INPP1: variants seen among roughly 807,000 people sequenced by gnomAD.
The protein encoded by INPP1 is inositol polyphosphate 1-phosphatase.
INPP1 carries 18 observed loss-of-function variants against 23.0 expected under a neutral mutation model. The ratio of observed to expected loss-of-function variants is 0.78; its 90% CI spans 0.54 to 1.16. The LOEUF is 1.16. Ranked by LOEUF, INPP1 falls within the 50% of genes most tolerant of loss-of-function variation. The pLI is 0.00. For synonymous variants in INPP1, 164 were observed against 176.3 expected, an observed-to-expected ratio of 0.93 and a Z score of 0.55; for missense variants, 448 against 482.1, an observed-to-expected ratio of 0.93 and a Z score of 0.66.
At chr2:190,358,372 C>T (rs1689466894) in intron 2 of INPP1, among the ~76,000 whole-genome samples, 1 of 151,972 alleles carries the variant, frequency 6.6e-6, no homozygotes, top group Non-Finnish European at 1.5e-5. Context: ...CCACTGCGCC[C>T]AGTCCCGGCT....
At chr2:190,350,604 C>A (rs1575783668) in intron 2 of INPP1, among the ~76,000 whole-genome samples, 1 of 152,132 alleles carries the variant, frequency 6.6e-6, no homozygotes. Context: ...AAAATGTAGG[C>A]TAATGTGGTC....
Position 190,368,932 on chromosome 2 carries a change from A to G in INPP1, c.467-171A>G, listed in dbSNP as rs377638849. ...GAGTTCTCACAGTCAGGAAAATGAA[A>G]CACAAGCAATTTAAAAGTAAAGTAC... On this transcript the variant is annotated intron_variant, in intron 5 of 6. Transcript: ENST00000392329. The surrounding 1 kb of genome is among the most constrained non-coding windows in gnomAD (Gnocchi z 4.3). 284 of 422,216 alleles carry G rather than the reference A, an allele frequency of 6.7e-4. No homozygotes were observed. Among genetic ancestry groups the G allele is most frequent in the African/African-American group, 5.1e-3 (253 of 49,534 alleles). The allele number at this position is 422,216 out of a possible 1,614,324, so 26.2% of individuals were successfully genotyped here.
chr2:190,365,401 C>G lies in INPP1; in HGVS notation c.266-1294C>G, dbSNP rs28642742. ...GCAATATCATATAAGGAGGTAGAAG[C>G]ACTTCGGTGTGTTGAAAAACCTCCA... On this transcript the variant is annotated intron_variant, in intron 4 of 6. Coordinates refer to ENST00000392329, the MANE Select transcript of INPP1 (RefSeq NM_001128928.2). Among the ~76,000 whole-genome samples, 134 of 152,304 alleles carry G rather than the reference C, an allele frequency of 8.8e-4. 1 individual carries two copies. The highest frequency in any genetic ancestry group is 6.8e-3 in the Middle Eastern group (2 of 294).
rs1689505220 is a variant in INPP1 at position 190,360,101 on chromosome 2, A to C, written c.-2A>C. The C allele has an allele frequency of 3.1e-6, 5 of 1,612,622 alleles. No homozygotes were observed. In the African/African-American group the frequency reaches 5.3e-5, roughly 17 times the overall value. On this transcript the variant is annotated 5_prime_UTR_variant, in exon 3 of 7. Coordinates refer to ENST00000392329, the MANE Select transcript of INPP1 (RefSeq NM_001128928.2). ...GCTGCAACTGAAAAGCAAGGTTCAGAAATGTCAGATATCCTCCGGGAGCTG... is the reference window on the plus strand; with the variant it reads ...GCTGCAACTGAAAAGCAAGGTTCAGCAATGTCAGATATCCTCCGGGAGCTG...
rs1262237046 is a variant in INPP1, at chr2:190,346,158, C to A, written c.-209+2197C>A. On this transcript the variant is annotated intron_variant, in intron 1 of 6. Coordinates refer to ENST00000392329, the MANE Select transcript of INPP1 (RefSeq NM_001128928.2). This position sits in a 1 kb window ranked among gnomAD's most constrained non-coding sequence, Gnocchi z 5.1. ...GTATAATAGTGGTTTAAAAGATTCC[C>A]AGATTGCAACTTGAGACTTCCTGGA... 6.6e-6 allele frequency among the ~76,000 whole-genome samples: 1 copy of A among 152,068 alleles called. No individual in the cohort carries two copies. The highest frequency in any genetic ancestry group is 1.5e-5 in the Non-Finnish European group (1 of 68,024).
At chr2:190,370,768 CATT>C (rs1689784420) in intron 6 of INPP1, 73 bp from the exon 7 acceptor site, 1 of 978,740 alleles carries the variant, frequency 1.0e-6, no homozygotes, top group Non-Finnish European at 1.5e-6. Context: ...TTCTTCGTAT[CATT>C]AAGTTTGAAA....
rs1689794350 is a variant in INPP1, at chr2:190,371,116, A to G, written c.914A>G (p.Tyr305Cys). The stretch of plus-strand genomic sequence containing the variant: ...GTTGTCCAAGGCCTCGTTGACATTT[A>G]CATCTTTTCAGAAGATACCACATTC... ...LCVVQGLVDI[Y>C]IFSEDTTFKW... Residue 305 changes from tyrosine to cysteine, a missense_variant, in exon 7 of 7, where the codon TAC becomes TGC. By Grantham distance (194) the Tyr-to-Cys change is radical. Transcript: ENST00000392329. The surrounding 1 kb of genome is among the most constrained non-coding windows in gnomAD (Gnocchi z 5.3). 3 of 1,614,090 alleles carry G rather than the reference A, an allele frequency of 1.9e-6. No individual in the cohort carries two copies. The highest frequency in any genetic ancestry group is 1.3e-5 in the African/African-American group (1 of 74,930).
In INPP1 at chr2:190,354,076, T is replaced by G. The variant is rs1689372635; in HGVS notation, c.-65+5045T>G. Among the ~76,000 whole-genome samples the G allele has an allele frequency of 6.6e-6, 1 of 152,248 alleles. No homozygotes were observed. The highest frequency in any genetic ancestry group is 6.5e-5 in the Admixed American group (1 of 15,278). ...GGTTTGAGATGGAAGGAATGAAACT[T>G]CTTTAAGCCCATTTTGCTGAAATGT... On this transcript the variant is annotated intron_variant, in intron 2 of 6. Transcript: ENST00000392329. This position sits in a 1 kb window ranked among gnomAD's most constrained non-coding sequence, Gnocchi z 4.8.
intron 1 of INPP1, among the ~76,000 whole-genome samples, chr2:190,347,007 CTTTTTT>C (rs1214998960): frequency 8.6e-6 from 1 of 116,042 alleles, no homozygotes; most frequent in African/African-American, 3.4e-5. Flanking sequence ...TTATTAGTAG[CTTTTTT>C]TTTTTTTTTT....
At chr2:190,351,642 G>T (rs1172942848) in intron 2 of INPP1, among the ~76,000 whole-genome samples, 1 of 152,148 alleles carries the variant, frequency 6.6e-6, no homozygotes, top group Non-Finnish European at 1.5e-5. Flanking sequence ...GCCTATTGTC[G>T]CAATTCATTC....
chr2:190,359,573 G>GAAA (rs869248781), intron 2 of INPP1: 1 of 60,180 alleles, frequency 1.7e-5, no homozygotes, highest in Non-Finnish European at 3.0e-5. Context: ...AAAAAAAAAA[G>GAAA]AAAGAAAAAA....
chr2:190,350,220 C>A (rs1482055465), intron 2 of INPP1, among the ~76,000 whole-genome samples: 1 of 152,176 alleles, frequency 6.6e-6, no homozygotes, highest in Non-Finnish European at 1.5e-5. Context: ...CGAAATTCAT[C>A]CTTTATAAAA....
chr2:190,364,339 T>A (rs370147399), intron 4 of INPP1, among the ~76,000 whole-genome samples: 132 of 151,774 alleles, frequency 8.7e-4, no homozygotes, highest in African/African-American at 1.6e-3. Context: ...GGAAATTGAG[T>A]CCATCCTGGC....
chr2:190,371,440 T>G lies in INPP1; in HGVS notation c.*38T>G. 1 of 1,432,724 alleles carries G rather than the reference T, an allele frequency of 7.0e-7. No homozygotes were observed. The highest frequency in any genetic ancestry group is 1.6e-5 in the South Asian group (1 of 64,272). The allele number at this position is 1,432,724 out of a possible 1,614,324, so 88.8% of individuals were successfully genotyped here. ...CCCGGTGTACCTGTATAAACTGAAC[T>G]GTGAAACTGTTTCGGTTATCTCTGT... On this transcript the variant is annotated 3_prime_UTR_variant, in exon 7 of 7. Transcript: ENST00000392329. The surrounding 1 kb of genome is among the most constrained non-coding windows in gnomAD (Gnocchi z 5.3).
chr2:190,367,194 C>T lies in INPP1; in HGVS notation c.466+299C>T, dbSNP rs1178969842. On this transcript the variant is annotated intron_variant, in intron 5 of 6. Coordinates refer to ENST00000392329, the MANE Select transcript of INPP1 (RefSeq NM_001128928.2). The surrounding 1 kb of genome is among the most constrained non-coding windows in gnomAD (Gnocchi z 4.1). ...GAATTAACTTCTCTTCAAAAGACTT[C>T]AGGGACCAGACTGGTAAGTAAATGA... 6.6e-6 allele frequency among the ~76,000 whole-genome samples: 1 copy of T among 152,066 alleles called. No homozygotes were observed. The highest frequency in any genetic ancestry group is 1.5e-5 in the Non-Finnish European group (1 of 68,028).
At chr2:190,365,747 T>C (rs1450867755) in intron 4 of INPP1, among the ~76,000 whole-genome samples, 2 of 152,204 alleles carry the variant, frequency 1.3e-5, no homozygotes, top group Non-Finnish European at 2.9e-5. Context: ...TCAATCTAAG[T>C]GCACAGCTTT....
intron 2 of INPP1, among the ~76,000 whole-genome samples, chr2:190,358,402 G>C (rs980201276): frequency 1.3e-5 from 2 of 152,072 alleles, no homozygotes; most frequent in African/African-American, 2.4e-5. Flanking sequence ...ATTTTTAGTA[G>C]AGATGGGGTT....
intron 4 of INPP1, among the ~76,000 whole-genome samples, chr2:190,365,795 C>G (rs2124939347): frequency 6.6e-6 from 1 of 152,276 alleles, no homozygotes; most frequent in African/African-American, 2.4e-5. Context: ...CTCTCTGTCT[C>G]TCTTGCTTGC....
rs908102422 is a variant in INPP1 at position 190,345,688 on chromosome 2, C to T, written c.-209+1727C>T. The stretch of plus-strand genomic sequence containing the variant: ...AATAAAACTATGTTAATGTGTTTGG[C>T]TGAGAGCTTAGAAATAAAGGCTCTG... On this transcript the variant is annotated intron_variant, in intron 1 of 6. Coordinates refer to ENST00000392329, the MANE Select transcript of INPP1 (RefSeq NM_001128928.2). This position sits in a 1 kb window ranked among gnomAD's most constrained non-coding sequence, Gnocchi z 4.9. The T allele has an allele frequency of 2.6e-5, 4 of 152,178 alleles. No homozygotes were observed. Among genetic ancestry groups the T allele is most frequent in the African/African-American group, 9.6e-5 (4 of 41,452 alleles). The allele number at this position is 152,178 out of a possible 1,614,324, so 9.4% of individuals were successfully genotyped here.
Sources: allele counts gnomAD v4.1 joint callset (sites outside exome capture counted in the v4.1 genomes callset), GRCh38; gene constraint gnomAD v4.1.1; non-coding constraint Gnocchi (gnomAD v3.1); transcripts MANE v1.5; gene names NCBI Gene and HGNC (gene_info 2026-07-23, HGNC 2026-07-21).